The following RAP1GAP2 variants were observed in gnomAD, a reference collection of about 807,000 sequenced individuals.
RAP1GAP2 encodes rap1 GTPase-activating protein 2.
A neutral mutation model predicts 95.0 loss-of-function variants in RAP1GAP2; 27 were observed. The observed-to-expected ratio is 0.28, with a 90% CI of 0.21 to 0.39. The LOEUF is 0.39. RAP1GAP2 is among the 10% of genes least tolerant of loss of function. The probability of loss-of-function intolerance (pLI) is 1.00; values close to 1 mark genes in which losing one functional copy is unlikely to be tolerated. For missense variants in RAP1GAP2, 771 were observed against 970.0 expected (o/e 0.79, Z 2.72); for synonymous variants, 373 against 380.9 (o/e 0.98, Z 0.24).
intron 3 of RAP1GAP2, among the ~76,000 whole-genome samples, chr17:2,946,018 T>A (rs57634919): frequency 0.037 from 5,677 of 152,190 alleles, 364 homozygotes; most frequent in African/African-American, 0.13. Flanking sequence ...CTTGAACTCC[T>A]GACCTCAGGT....
At chr17:2,880,026 G>A (rs984720843) in intron 2 of RAP1GAP2, among the ~76,000 whole-genome samples, 4 of 152,126 alleles carry the variant, frequency 2.6e-5, no homozygotes, top group South Asian at 2.1e-4. Flanking sequence ...ACCGTCCAGC[G>A]GGAAGGACAG....
At chr17:2,868,772 G>A (rs1324032706) in intron 2 of RAP1GAP2, among the ~76,000 whole-genome samples, 1 of 152,138 alleles carries the variant, frequency 6.6e-6, no homozygotes, top group East Asian at 1.9e-4. Flanking sequence ...GCCTGCCTTG[G>A]CCTCCCAAAA....
At chr17:2,833,365 G>C (rs1229176265) in intron 2 of RAP1GAP2, among the ~76,000 whole-genome samples, 2 of 151,828 alleles carry the variant, frequency 1.3e-5, no homozygotes, top group Admixed American at 1.3e-4. Context: ...TTGAACTCCT[G>C]ACCTCAGGTG....
intron 3 of RAP1GAP2, among the ~76,000 whole-genome samples, chr17:2,957,500 A>G (rs1298581856): frequency 6.6e-6 from 1 of 152,158 alleles, no homozygotes; most frequent in Non-Finnish European, 1.5e-5. Context: ...CCTTTCCTTG[A>G]CAGAGGCTGA....
At chr17:2,994,574 A>G (rs992620643) in intron 12 of RAP1GAP2, among the ~76,000 whole-genome samples, 1 of 152,206 alleles carries the variant, frequency 6.6e-6, no homozygotes, top group African/African-American at 2.4e-5. Flanking sequence ...GACTGACTCC[A>G]GATGCTCCTC....
rs114253892 is a variant in RAP1GAP2 at position 3,034,203 on chromosome 17, A to G, written c.*842A>G. On this transcript the variant is annotated 3_prime_UTR_variant, in exon 25 of 25. Transcript: ENST00000254695. This position sits in a 1 kb window ranked among gnomAD's most constrained non-coding sequence, Gnocchi z 5.1. ...GAGGCAGTCTCTTCCCTTTGAGAAG[A>G]TATTTTCCCACAAAGGGGTGGGAAG... 7.7e-4 allele frequency: 123 copies of G among 159,998 alleles called. No homozygotes were observed. Among genetic ancestry groups the G allele is most frequent in the African/African-American group, 2.7e-3 (114 of 41,620 alleles). 9.9% of individuals were successfully genotyped at this position (159,998 alleles called of 1,614,324 possible). A position where few individuals can be genotyped will look rare whatever the true frequency, so the allele number is the denominator to read the frequency against.
Position 2,870,859 on chromosome 17 carries a change from C to G in RAP1GAP2, c.81-34425C>G, listed in dbSNP as rs767420680. 3.9e-5 allele frequency among the ~76,000 whole-genome samples: 6 copies of G among 152,208 alleles called. No homozygotes were observed. The highest frequency in any genetic ancestry group is 2.9e-5 in the Non-Finnish European group (2 of 68,046). On this transcript the variant is annotated intron_variant, in intron 2 of 24. Transcript: ENST00000254695. This position sits in a 1 kb window ranked among gnomAD's most constrained non-coding sequence, Gnocchi z 4.4. ...TCCTCTCTGTCTCGTCACTGTGTCT[C>G]TTTGTGTTGGCTTCATTCTCTTGGG...
intron 3 of RAP1GAP2, among the ~76,000 whole-genome samples, chr17:2,931,119 C>T (rs2043132209): frequency 1.7e-5 from 1 of 59,792 alleles, no homozygotes; most frequent in African/African-American, 5.3e-5. Flanking sequence ...GAGACTCCAT[C>T]TCAAAAAAAA....
chr17:2,811,523 G>C (rs939285052), intron 2 of RAP1GAP2, among the ~76,000 whole-genome samples: 1 of 152,166 alleles, frequency 6.6e-6, no homozygotes, highest in African/African-American at 2.4e-5. Context: ...CTGTCTTAGC[G>C]GATCTTCCAT....
intron 1 of RAP1GAP2, among the ~76,000 whole-genome samples, chr17:2,756,252 C>A (rs549582520): frequency 6.6e-6 from 1 of 152,134 alleles, no homozygotes; most frequent in Non-Finnish European, 1.5e-5. Context: ...AACACAGGAG[C>A]CCCTGGGGGT....
chr17:3,007,231 G>A (rs969781946), intron 16 of RAP1GAP2, among the ~76,000 whole-genome samples: 8 of 152,142 alleles, frequency 5.3e-5, no homozygotes, highest in South Asian at 2.1e-4. Context: ...CTTTGAGCTC[G>A]GGACGGTGGG....
rs764628288 is a variant in RAP1GAP2, at chr17:3,008,090, C to T, written c.1439C>T (p.Pro480Leu). The change falls in exon 17 of 25, where the codon CCA becomes CTA. Residue 480 changes from proline (P) to leucine (L), a missense_variant. Coordinates refer to ENST00000254695, the MANE Select transcript of RAP1GAP2 (RefSeq NM_015085.5). This position sits in a 1 kb window ranked among gnomAD's most constrained non-coding sequence, Gnocchi z 4.2. ...AHTQAMLGLGPEEDKFENGGH... is the reference protein window; with the variant it reads ...AHTQAMLGLGLEEDKFENGGH... ...ACACAGGCCATGCTGGGACTGGGCC[C>T]AGAGGAGGACAAGTTTGAGAATGGA... 3 of 1,613,990 alleles carry T rather than the reference C, an allele frequency of 1.9e-6. No homozygotes were observed. In the South Asian group the frequency reaches 3.3e-5, roughly 18 times the overall value.
chr17:2,973,314 G>A (rs1029973833), intron 8 of RAP1GAP2, among the ~76,000 whole-genome samples: 1 of 152,096 alleles, frequency 6.6e-6, no homozygotes. Context: ...TCAGGAGTTC[G>A]AGACCAGGCT....
intron 1 of RAP1GAP2, among the ~76,000 whole-genome samples, chr17:2,769,928 C>G (rs182282981): frequency 1.3e-5 from 2 of 151,864 alleles, no homozygotes; most frequent in Non-Finnish European, 2.9e-5. Context: ...CAAAAATTAG[C>G]GAGGCGTGGT....
chr17:2,993,960 C>T (rs1437672641), intron 12 of RAP1GAP2, among the ~76,000 whole-genome samples: 2 of 152,168 alleles, frequency 1.3e-5, no homozygotes, highest in East Asian at 1.9e-4. Flanking sequence ...CGAGGAGGAT[C>T]GCTTGAGCCC....
chr17:3,017,006 G>T (rs150039880), intron 17 of RAP1GAP2, among the ~76,000 whole-genome samples: 1 of 152,260 alleles, frequency 6.6e-6, no homozygotes, highest in East Asian at 1.9e-4. Context: ...TCTCTTCCTA[G>T]AATTCTCACA....
chr17:2,887,554 T>G (rs2073543509), intron 2 of RAP1GAP2, among the ~76,000 whole-genome samples: 1 of 151,124 alleles, frequency 6.6e-6, no homozygotes, highest in South Asian at 2.1e-4. Flanking sequence ...TTTTGTATTT[T>G]TAGTAGAAAT....
chr17:2,927,363 C>A (rs796456654), intron 3 of RAP1GAP2, among the ~76,000 whole-genome samples: 3 of 152,204 alleles, frequency 2.0e-5, no homozygotes, highest in East Asian at 1.9e-4. Context: ...CCGTGTTAGC[C>A]AGGATGGTCT....
chr17:2,797,688 G>T lies in RAP1GAP2; in HGVS notation c.44+1117G>T. On this transcript the variant is annotated intron_variant, in intron 1 of 24. Transcript: ENST00000254695. The surrounding 1 kb of genome is among the most constrained non-coding windows in gnomAD (Gnocchi z 5.6). ...GACTGTGGGCACTCCATGTTTGGCA[G>T]ATGGGATGGTGCGGATGAGAAGATG... is the stretch of plus-strand genomic sequence containing the variant. 1 of 985,434 alleles carries T rather than the reference G, an allele frequency of 1.0e-6. No individual in the cohort carries two copies. The highest frequency in any genetic ancestry group is 1.2e-6 in the Non-Finnish European group (1 of 829,924). The allele number at this position is 985,434 out of a possible 1,614,324, so 61.0% of individuals were successfully genotyped here.
Sources: allele counts gnomAD v4.1 joint callset (sites outside exome capture counted in the v4.1 genomes callset), GRCh38; gene constraint gnomAD v4.1.1; non-coding constraint Gnocchi (gnomAD v3.1); transcripts MANE v1.5; gene names NCBI Gene and HGNC (gene_info 2026-07-23, HGNC 2026-07-21).